The following MAML2 variants were observed in gnomAD, a reference collection of about 807,000 sequenced individuals.
The protein encoded by MAML2 is mastermind-like protein 2.
MAML2 carries 22 observed loss-of-function variants against 96.1 expected under a neutral mutation model. The observed-to-expected ratio is 0.23, with a 90% confidence interval of 0.16 to 0.33. The LOEUF (loss-of-function observed/expected upper bound fraction) is 0.33, where lower values mean the gene tolerates loss of function less well. MAML2 is among the 10% of genes least tolerant of loss of function. The pLI is 1.00. For missense variants in MAML2, 1,367 were observed against 1,392.4 expected, an observed-to-expected ratio of 0.98 and a Z score of 0.29; for synonymous variants, 561 against 521.3, an observed-to-expected ratio of 1.08 and a Z score of -1.04.
chr11:96,317,336 G>A (rs1451014092), intron 1 of MAML2, among the ~76,000 whole-genome samples: 1 of 152,112 alleles, frequency 6.6e-6, no homozygotes, highest in Non-Finnish European at 1.5e-5. Flanking sequence ...CTCCAAAAAT[G>A]CCTAAAATGC....
At chr11:96,185,602 G>A (rs960409374) in intron 1 of MAML2, among the ~76,000 whole-genome samples, 3 of 152,174 alleles carry the variant, frequency 2.0e-5, no homozygotes, top group African/African-American at 7.2e-5. Flanking sequence ...CCGCAGACTG[G>A]CATCACCTGG....
chr11:96,168,335 G>A (rs1273013793), intron 1 of MAML2, among the ~76,000 whole-genome samples: 1 of 152,096 alleles, frequency 6.6e-6, no homozygotes, highest in Non-Finnish European at 1.5e-5. Context: ...GACTGAATTA[G>A]TAGATAGATA....
intron 2 of MAML2, among the ~76,000 whole-genome samples, chr11:96,043,830 G>A (rs1350528285): frequency 1.3e-5 from 2 of 152,226 alleles, no homozygotes; most frequent in Non-Finnish European, 2.9e-5. Flanking sequence ...AAAACACACA[G>A]TAACTATCCT....
chr11:95,988,361 C>A (rs545037091), intron 3 of MAML2, among the ~76,000 whole-genome samples: 3 of 151,396 alleles, frequency 2.0e-5, no homozygotes, highest in African/African-American at 4.9e-5. Context: ...CAGGTTCAAG[C>A]GATTCTTCTG....
intron 1 of MAML2, among the ~76,000 whole-genome samples, chr11:96,107,339 G>A (rs1860040376): frequency 6.6e-6 from 1 of 152,144 alleles, no homozygotes; most frequent in Non-Finnish European, 1.5e-5. Flanking sequence ...CTGGGCCTCA[G>A]TCTCCTCCTC....
chr11:96,161,910 TA>T (rs1861110586), intron 1 of MAML2, among the ~76,000 whole-genome samples: 1 of 152,214 alleles, frequency 6.6e-6, no homozygotes, highest in Non-Finnish European at 1.5e-5. Flanking sequence ...AGCTGGATCT[TA>T]CAACAGGTTG....
At chr11:96,246,139 G>C (rs926946049) in intron 1 of MAML2, among the ~76,000 whole-genome samples, 36 of 152,204 alleles carry the variant, frequency 2.4e-4, no homozygotes, top group African/African-American at 7.9e-4. Context: ...TTGTGAAAGA[G>C]ACCAACAGGT....
chr11:96,120,044 G>A (rs1478527690), intron 1 of MAML2, among the ~76,000 whole-genome samples: 5 of 144,480 alleles, frequency 3.5e-5, no homozygotes, highest in South Asian at 2.2e-4. Flanking sequence ...TGCAAGCTCC[G>A]CCTCCCAGGT....
At chr11:96,193,035 T>G (rs1199743441) in intron 1 of MAML2, among the ~76,000 whole-genome samples, 1 of 152,212 alleles carries the variant, frequency 6.6e-6, no homozygotes, top group Non-Finnish European at 1.5e-5. Flanking sequence ...AGGAAACATT[T>G]TATTCATTCT....
At chr11:96,264,452 C>T (rs1862797798) in intron 1 of MAML2, among the ~76,000 whole-genome samples, 2 of 152,172 alleles carry the variant, frequency 1.3e-5, no homozygotes, top group African/African-American at 4.8e-5. Flanking sequence ...ACAGTGTATA[C>T]AAATATGTTT....
intron 1 of MAML2, among the ~76,000 whole-genome samples, chr11:96,212,043 T>C (rs1861979086): frequency 6.6e-6 from 1 of 151,278 alleles, no homozygotes; most frequent in African/African-American, 2.4e-5. Flanking sequence ...GAAAACTGGA[T>C]AGATATGGAA....
intron 1 of MAML2, among the ~76,000 whole-genome samples, chr11:96,107,686 C>T (rs1860047043): frequency 6.6e-6 from 1 of 152,192 alleles, no homozygotes; most frequent in Non-Finnish European, 1.5e-5. Flanking sequence ...CTTCACCACC[C>T]AACCTCCAGG....
intron 1 of MAML2, among the ~76,000 whole-genome samples, chr11:96,325,288 G>A (rs1863760527): frequency 6.6e-6 from 1 of 152,078 alleles, no homozygotes; most frequent in Non-Finnish European, 1.5e-5. Context: ...CTTACTAGTG[G>A]AGTTAGCACA....
At chr11:96,072,652 G>A (rs189329007) in intron 2 of MAML2, among the ~76,000 whole-genome samples, 152 of 152,274 alleles carry the variant, frequency 1.0e-3, no homozygotes, top group Middle Eastern at 3.4e-3. Flanking sequence ...ACTTGAAAGA[G>A]CTCGCTGTCA....
chr11:96,076,684 C>A (rs1310566452), intron 2 of MAML2, among the ~76,000 whole-genome samples: 4 of 152,108 alleles, frequency 2.6e-5, no homozygotes, highest in African/African-American at 7.2e-5. Flanking sequence ...TCAAAGGGGA[C>A]AATAGAGGGG....
chr11:96,108,117 T>C (rs1860055515), intron 1 of MAML2, among the ~76,000 whole-genome samples: 1 of 152,216 alleles, frequency 6.6e-6, no homozygotes, highest in African/African-American at 2.4e-5. Context: ...GGGAGTCTTA[T>C]GGGACTGAGC....
chr11:96,132,022 T>C (rs1223140820), intron 1 of MAML2, among the ~76,000 whole-genome samples: 1 of 152,004 alleles, frequency 6.6e-6, no homozygotes, highest in Non-Finnish European at 1.5e-5. Context: ...AAAATAAAAA[T>C]ATACTAAAAA....
chr11:96,219,439 A>G lies in MAML2; in HGVS notation c.513+121944T>C, dbSNP rs146513505. The stretch of plus-strand genomic sequence containing the variant: ...TTATACAGTTCATTTGACGTTTAAC[A>G]TATTTTGCTTAATATGTTAACCATC... On this transcript the variant is annotated intron_variant, in intron 1 of 4. Coordinates refer to ENST00000524717, the MANE Select transcript of MAML2 (RefSeq NM_032427.4). Among the ~76,000 whole-genome samples the G allele has an allele frequency of 3.7e-3, 557 of 152,312 alleles. 14 individuals carry two copies. Among genetic ancestry groups the G allele is most frequent in the Admixed American group, 0.024 (372 of 15,292 alleles).
intron 1 of MAML2, among the ~76,000 whole-genome samples, chr11:96,098,259 A>G (rs1859865414): frequency 6.6e-6 from 1 of 152,198 alleles, no homozygotes; most frequent in South Asian, 2.1e-4. Context: ...CGGTCAGTCA[A>G]AAAGATTTAC....
Sources: allele counts gnomAD v4.1 joint callset (sites outside exome capture counted in the v4.1 genomes callset), GRCh38; gene constraint gnomAD v4.1.1; transcripts MANE v1.5; gene names NCBI Gene and HGNC (gene_info 2026-07-23, HGNC 2026-07-21).